Variants in CCR9 observed in about 807,000 individuals in gnomAD.
CCR9 encodes the protein C-C motif chemokine receptor 9.
In CCR9, 4 loss-of-function variants were observed where a neutral mutation model predicts 8.7. The observed-to-expected ratio is 0.46, with a 90% CI of 0.23 to 1.06. CCR9 has a LOEUF of 1.06. CCR9 is among the 50% of genes least tolerant of loss of function. The pLI, the probability that CCR9 is intolerant of heterozygous loss-of-function variation, is 0.21. For missense variants in CCR9, 394 were observed against 453.6 expected (o/e 0.87, Z 1.19); for synonymous variants, 159 against 168.8 (o/e 0.94, Z 0.45).
chr3:45,899,520 T>C (rs532859404), intron 2 of CCR9, among the ~76,000 whole-genome samples: 2 of 152,330 alleles, frequency 1.3e-5, no homozygotes, highest in South Asian at 2.1e-4. Context: ...TGACTTCTAG[T>C]CCAAATGTAT....
chr3:45,894,286 G>A (rs565701341), intron 1 of CCR9, among the ~76,000 whole-genome samples: 1 of 152,330 alleles, frequency 6.6e-6, no homozygotes, highest in East Asian at 1.9e-4. Flanking sequence ...CTGAAGTCAG[G>A]GTAAAGAGGA....
Position 45,902,551 on chromosome 3 carries a change from G to A in CCR9, c.*653G>A, listed in dbSNP as rs1162796559. On this transcript the variant is annotated 3_prime_UTR_variant, in exon 3 of 3. Transcript: ENST00000357632. Reference sequence around the variant, plus strand: ...CCTGGACAACTGACCACACCCACAAGGCATCCAAAGTCTGTTGGCTTCCAA... The same window carrying A: ...CCTGGACAACTGACCACACCCACAAAGCATCCAAAGTCTGTTGGCTTCCAA... 7.8e-5 allele frequency: 13 copies of A among 167,198 alleles called. No homozygotes were observed. The Admixed American group carries it at 7.9e-4, about 10-fold the overall frequency. The allele number at this position is 167,198 out of a possible 1,614,324, so 10.4% of individuals were successfully genotyped here. A position where few individuals can be genotyped will look rare whatever the true frequency, so the allele number is the denominator to read the frequency against.
chr3:45,900,808 A>G lies in CCR9; in HGVS notation c.22-2A>G. 1 of 1,606,152 alleles carries G rather than the reference A, an allele frequency of 6.2e-7. No individual in the cohort carries two copies. Among genetic ancestry groups the G allele is most frequent in the Non-Finnish European group, 8.5e-7 (1 of 1,174,558 alleles). Reference sequence around the variant, plus strand: ...CTAATGCCATCTTGTGTCCCCTTGCAGAGCCCTATTCCTAACATGGCTGAT... The same window carrying G: ...CTAATGCCATCTTGTGTCCCCTTGCGGAGCCCTATTCCTAACATGGCTGAT... On this transcript the variant is annotated splice_acceptor_variant, in intron 2 of 2. Transcript: ENST00000357632. LOFTEE classifies it high-confidence loss of function. This position sits in a 1 kb window ranked among gnomAD's most constrained non-coding sequence, Gnocchi z 4.7.
intron 2 of CCR9, among the ~76,000 whole-genome samples, chr3:45,897,992 A>AAAAC (rs1055244090): frequency 6.7e-6 from 1 of 149,424 alleles, no homozygotes; most frequent in Non-Finnish European, 1.5e-5. Flanking sequence ...AAAAAAAAAA[A>AAAAC]ACACACAAAA....
rs971418462 is a variant in CCR9, at chr3:45,901,001, T to C, written c.213T>C (p.Leu71=). 11 of 1,614,126 alleles carry C rather than the reference T, an allele frequency of 6.8e-6. 1 individual carries two copies. The highest frequency in any genetic ancestry group is 1.3e-5 in the African/African-American group (1 of 74,952). ...VGALGNSLVI[L]VYWYCTRVKT... ...CCTTGGGCAACAGTCTTGTTATCCT[T>C]GTCTACTGGTACTGCACAAGAGTGA... is the stretch of plus-strand genomic sequence containing the variant. The change falls in exon 3 of 3, where the codon CTT becomes CTC. Residue 71 remains leucine, a synonymous_variant. Transcript: ENST00000357632. The surrounding 1 kb of genome is among the most constrained non-coding windows in gnomAD (Gnocchi z 4.3).
intron 1 of CCR9, among the ~76,000 whole-genome samples, chr3:45,892,865 G>A (rs1234944354): frequency 6.6e-6 from 1 of 152,176 alleles, no homozygotes; most frequent in Non-Finnish European, 1.5e-5. Context: ...GGAAGTTCTG[G>A]TTGCTTTCCT....
chr3:45,897,440 T>C, intron 2 of CCR9: 1 of 710,650 alleles, frequency 1.4e-6, no homozygotes, highest in Non-Finnish European at 2.5e-6. Flanking sequence ...CAGGACACAA[T>C]GTCCTTGTCT....
Position 45,901,934 on chromosome 3 carries a change from A to C in CCR9, c.*36A>C. 6.6e-7 allele frequency: 1 copy of C among 1,512,904 alleles called. No homozygotes were observed. The highest frequency in any genetic ancestry group is 1.4e-5 in the African/African-American group (1 of 71,740). The allele number at this position is 1,512,904 out of a possible 1,614,324, so 93.7% of individuals were successfully genotyped here. On this transcript the variant is annotated 3_prime_UTR_variant, in exon 3 of 3. Transcript: ENST00000357632. This position sits in a 1 kb window ranked among gnomAD's most constrained non-coding sequence, Gnocchi z 4.3. ...CTGAGGTGCATGGTTCTTTTGGAAG[A>C]AATGAGAAATACAGAAACAGTTTCC...
chr3:45,901,072 T>A lies in CCR9; in HGVS notation c.284T>A (p.Leu95His). Residue 95 changes from leucine to histidine, a missense_variant, in exon 3 of 3, where the codon CTC (leucine) becomes CAC (histidine). Coordinates refer to ENST00000357632, the MANE Select transcript of CCR9 (RefSeq NM_031200.3). The surrounding 1 kb of genome is among the most constrained non-coding windows in gnomAD (Gnocchi z 4.3). ...MFLLNLAIAD[L>H]LFLVTLPFWA... Reference sequence around the variant, plus strand: ...CTTTTGAATTTGGCAATTGCTGACCTCCTCTTTCTTGTCACTCTTCCCTTC... The same window carrying A: ...CTTTTGAATTTGGCAATTGCTGACCACCTCTTTCTTGTCACTCTTCCCTTC... The A allele has an allele frequency of 1.2e-6, 2 of 1,614,194 alleles. No individual in the cohort carries two copies. Among genetic ancestry groups the A allele is most frequent in the Non-Finnish European group, 1.7e-6 (2 of 1,180,028 alleles).
chr3:45,899,985 G>A (rs750255725), intron 2 of CCR9, among the ~76,000 whole-genome samples: 2 of 152,194 alleles, frequency 1.3e-5, no homozygotes, highest in Non-Finnish European at 2.9e-5. Flanking sequence ...CTATGTGTAT[G>A]TGAGCATGAG....
At chr3:45,890,350 C>T (rs201043598) in intron 1 of CCR9, among the ~76,000 whole-genome samples, 1,912 of 22,692 alleles carry the variant, frequency 0.084, 283 homozygotes, top group South Asian at 0.1. Flanking sequence ...ATATATATAA[C>T]ATATATATAT....
chr3:45,888,801 G>T (rs1426809862), intron 1 of CCR9, among the ~76,000 whole-genome samples: 1 of 151,684 alleles, frequency 6.6e-6, no homozygotes, highest in African/African-American at 2.4e-5. Context: ...TGACAAAAAT[G>T]AAAGAGAAAT....
At position 45,892,352 on chromosome 3, in the gene CCR9, C is replaced by T. The variant is rs75514159; in HGVS notation, c.-28-2554C>T. ...TAGACTGGATAAGGAAAATGTGGTA[C>T]ATATACATCATGGAATACTACACAG... On this transcript the variant is annotated intron_variant, in intron 1 of 2. Transcript: ENST00000357632. Among the ~76,000 whole-genome samples the T allele has an allele frequency of 8.9e-4, 135 of 152,222 alleles. 1 individual carries two copies. The highest frequency in any genetic ancestry group is 3.4e-3 in the Middle Eastern group (1 of 294).
intron 1 of CCR9, among the ~76,000 whole-genome samples, chr3:45,887,732 G>A (rs1199448152): frequency 1.3e-5 from 2 of 152,188 alleles, no homozygotes; most frequent in Non-Finnish European, 2.9e-5. Flanking sequence ...TCTTTGTGTA[G>A]GCCTCACTCA....
Position 45,894,967 on chromosome 3 carries a change from G to GTGCTCCTCTGGCTCCTCA in CCR9, c.21+14_21+31dup. ...CACAGACTTCACAGTGAGTACAGCC[G>GTGCTCCTCTGGCTCCTCA]TGCTCCTCTGGCTCCTCAAAACACA... On this transcript the variant is annotated intron_variant, in intron 2 of 2. Transcript: ENST00000357632. 1 of 1,613,370 alleles carries GTGCTCCTCTGGCTCCTCA rather than the reference G, an allele frequency of 6.2e-7. No individual in the cohort carries two copies. Among genetic ancestry groups the GTGCTCCTCTGGCTCCTCA allele is most frequent in the Non-Finnish European group, 8.5e-7 (1 of 1,179,380 alleles).
rs1004712634 is a variant in CCR9 at position 45,894,841 on chromosome 3, T to C, written c.-28-65T>C. 5.5e-6 allele frequency: 6 copies of C among 1,098,006 alleles called. No homozygotes were observed. In the African/African-American group the frequency reaches 6.2e-5, roughly 11 times the overall value. 68.0% of individuals were successfully genotyped at this position (1,098,006 alleles called of 1,614,324 possible). Reference sequence around the variant, plus strand: ...ATTTAAAATTTAATCTCCATCTTTTTGGCATTTGGTTGTTACTATTCGTTT... The same window carrying C: ...ATTTAAAATTTAATCTCCATCTTTTCGGCATTTGGTTGTTACTATTCGTTT... On this transcript the variant is annotated intron_variant, in intron 1 of 2. Transcript: ENST00000357632.
At chr3:45,891,589 G>A (rs933011828) in intron 1 of CCR9, among the ~76,000 whole-genome samples, 1 of 152,142 alleles carries the variant, frequency 6.6e-6, no homozygotes, top group Admixed American at 6.5e-5. Context: ...AAACCACAAT[G>A]CAGTCAGCAA....
intron 1 of CCR9, among the ~76,000 whole-genome samples, chr3:45,889,429 C>T (rs1340377557): frequency 6.6e-6 from 1 of 152,110 alleles, no homozygotes; most frequent in Non-Finnish European, 1.5e-5. Context: ...GCTACAAGTT[C>T]CTCCTCTAGA....
In CCR9 at chr3:45,901,043, G is replaced by T. The variant is rs200760460; in HGVS notation, c.255G>T (p.Met85Ile). 1 of 1,614,182 alleles carries T rather than the reference G, an allele frequency of 6.2e-7. No homozygotes were observed. The highest frequency in any genetic ancestry group is 1.1e-5 in the South Asian group (1 of 91,084). Residue 85 changes from methionine to isoleucine, a missense_variant, in exon 3 of 3, where the codon ATG becomes ATT. Coordinates refer to ENST00000357632, the MANE Select transcript of CCR9 (RefSeq NM_031200.3). The surrounding 1 kb of genome is among the most constrained non-coding windows in gnomAD (Gnocchi z 4.3). ...CAAGAGTGAAGACCATGACCGACAT[G>T]TTCCTTTTGAATTTGGCAATTGCTG... ...YCTRVKTMTD[M>I]FLLNLAIADL...
Sources: gnomAD v4.1 joint callset for allele counts (sites outside exome capture counted in the v4.1 genomes callset) on GRCh38, gnomAD v4.1.1 for gene constraint, Gnocchi (gnomAD v3.1) non-coding constraint, MANE v1.5 for transcripts, NCBI Gene and HGNC (gene_info 2026-07-23, HGNC 2026-07-21) for gene names.